Variants in KSR2 observed in about 807,000 individuals in gnomAD.
The protein encoded by KSR2 is kinase suppressor of ras 2.
In KSR2, 25 loss-of-function variants were observed where a neutral mutation model predicts 107.8. That is an observed-to-expected ratio of 0.23 (90% CI 0.17 to 0.32). KSR2 has a LOEUF of 0.32. Ranked by LOEUF, KSR2 falls within the 10% of genes least tolerant of loss-of-function variation. The probability of loss-of-function intolerance (pLI) is 1.00; values close to 1 mark genes in which losing one functional copy is unlikely to be tolerated. For synonymous variants in KSR2, 480 were observed against 507.0 expected (o/e 0.95, Z 0.71); for missense variants, 887 against 1,268.9 (o/e 0.70, Z 4.57).
chr12:117,796,398 T>A (rs1333165692), intron 3 of KSR2, among the ~76,000 whole-genome samples: 1 of 152,108 alleles, frequency 6.6e-6, no homozygotes, highest in African/African-American at 2.4e-5. Flanking sequence ...ATCCCAGGCA[T>A]AAGGTAAAAA....
chr12:117,826,003 G>A (rs1420535919), intron 3 of KSR2, among the ~76,000 whole-genome samples: 5 of 150,508 alleles, frequency 3.3e-5, no homozygotes, highest in Non-Finnish European at 7.4e-5. Flanking sequence ...GGATGGGTGG[G>A]TGGATGGATG....
chr12:117,916,928 C>T (rs1895195430), intron 1 of KSR2, among the ~76,000 whole-genome samples: 1 of 152,186 alleles, frequency 6.6e-6, no homozygotes, highest in Non-Finnish European at 1.5e-5. Context: ...TGTTTGATAT[C>T]TATAAACATA....
intron 3 of KSR2, among the ~76,000 whole-genome samples, chr12:117,787,029 CA>C (rs35140043): frequency 0.54 from 78,887 of 145,984 alleles, 21,891 homozygotes; most frequent in East Asian, 0.74. Context: ...AACTCCATCT[CA>C]AAAAAAAAAA....
chr12:117,704,069 C>T (rs532742003), intron 4 of KSR2, among the ~76,000 whole-genome samples: 1 of 151,888 alleles, frequency 6.6e-6, no homozygotes, highest in African/African-American at 2.4e-5. Context: ...CAATAGAAGA[C>T]CTATAATCTT....
intron 5 of KSR2, among the ~76,000 whole-genome samples, chr12:117,585,924 G>A (rs1879960542): frequency 6.6e-6 from 1 of 152,214 alleles, no homozygotes; most frequent in Non-Finnish European, 1.5e-5. Context: ...GAAAGAGAAA[G>A]AGGTGGAAGG....
chr12:117,656,084 C>T (rs978398469), intron 5 of KSR2, among the ~76,000 whole-genome samples: 1 of 152,200 alleles, frequency 6.6e-6, no homozygotes, highest in Non-Finnish European at 1.5e-5. Context: ...CTAGCTATGA[C>T]CACGTGACCA....
At chr12:117,935,963 C>A (rs113431286) in intron 1 of KSR2, among the ~76,000 whole-genome samples, 2 of 152,242 alleles carry the variant, frequency 1.3e-5, no homozygotes, top group East Asian at 1.9e-4. Context: ...TTTCATGAAG[C>A]CTGCTCTGCT....
chr12:117,684,998 T>C (rs920492905), intron 4 of KSR2, among the ~76,000 whole-genome samples: 1 of 152,112 alleles, frequency 6.6e-6, no homozygotes, highest in Non-Finnish European at 1.5e-5. Flanking sequence ...AGACTCGCAA[T>C]CTGGGAGGGG....
chr12:117,667,281 C>T (rs1249419827), intron 5 of KSR2, among the ~76,000 whole-genome samples, 193 bp downstream of exon 5: 1 of 152,190 alleles, frequency 6.6e-6, no homozygotes, highest in East Asian at 1.9e-4. Flanking sequence ...CCAAAACCAT[C>T]CAAATGGGCA....
intron 14 of KSR2, among the ~76,000 whole-genome samples, chr12:117,515,123 C>T (rs114342727): frequency 0.011 from 1,730 of 152,272 alleles, 31 homozygotes; most frequent in African/African-American, 0.039. Flanking sequence ...AGCTCCATGA[C>T]GGGCAGACAT....
intron 3 of KSR2, among the ~76,000 whole-genome samples, chr12:117,789,188 A>G (rs973546501): frequency 8.5e-5 from 13 of 152,274 alleles, no homozygotes; most frequent in African/African-American, 3.1e-4. Flanking sequence ...AAGCACCTAT[A>G]ATTCTGACCT....
intron 3 of KSR2, among the ~76,000 whole-genome samples, chr12:117,786,548 G>A (rs971377570): frequency 6.6e-6 from 1 of 152,056 alleles, no homozygotes; most frequent in Non-Finnish European, 1.5e-5. Flanking sequence ...GGGCATGATG[G>A]CTCACGGCTG....
intron 1 of KSR2, among the ~76,000 whole-genome samples, chr12:117,892,828 G>C (rs925016465): frequency 6.9e-6 from 1 of 145,624 alleles, no homozygotes; most frequent in African/African-American, 2.5e-5. Flanking sequence ...CTCATGAGAA[G>C]TTGCTTTTAA....
At chr12:117,748,720 A>G (rs766105858) in intron 4 of KSR2, among the ~76,000 whole-genome samples, 21 of 152,194 alleles carry the variant, frequency 1.4e-4, no homozygotes, top group Non-Finnish European at 2.8e-4. Context: ...AAATGTGTCC[A>G]CATAGCTGTG....
At chr12:117,664,175 C>T (rs978041619) in intron 5 of KSR2, among the ~76,000 whole-genome samples, 5 of 152,296 alleles carry the variant, frequency 3.3e-5, no homozygotes, top group Middle Eastern at 3.4e-3. Flanking sequence ...CACTCCCAGG[C>T]CAGGGGAGTA....
intron 4 of KSR2, among the ~76,000 whole-genome samples, chr12:117,699,252 T>G (rs535720351): frequency 6.6e-6 from 1 of 152,234 alleles, no homozygotes; most frequent in Non-Finnish European, 1.5e-5. Context: ...GAATCAATGG[T>G]ATGGCATTTA....
chr12:117,695,401 C>A (rs533890873), intron 4 of KSR2, among the ~76,000 whole-genome samples: 1 of 152,112 alleles, frequency 6.6e-6, no homozygotes, highest in African/African-American at 2.4e-5. Flanking sequence ...GTATATTTTG[C>A]TGCAATAAAA....
chr12:117,676,837 G>T lies in KSR2; in HGVS notation c.987-9179C>A, dbSNP rs367698297. Among the ~76,000 whole-genome samples the T allele has an allele frequency of 4.7e-4, 71 of 152,278 alleles. No individual in the cohort carries two copies. In the South Asian group the frequency reaches 7.5e-3, roughly 16 times the overall value. On this transcript the variant is annotated intron_variant, in intron 4 of 19. Transcript: ENST00000339824. The stretch of plus-strand genomic sequence containing the variant: ...ATGAGGGCCCATGTCTGCAAAAAAA[G>T]ACCTTTGTAAGAATGTTCATGGCAG...
At chr12:117,872,806 C>G (rs1359193075) in intron 1 of KSR2, among the ~76,000 whole-genome samples, 2 of 152,176 alleles carry the variant, frequency 1.3e-5, no homozygotes, top group African/African-American at 4.8e-5. Flanking sequence ...ATTCTAGAAG[C>G]CAGGGTTCAG....
Sources: allele counts gnomAD v4.1 joint callset (sites outside exome capture counted in the v4.1 genomes callset), GRCh38; gene constraint gnomAD v4.1.1; transcripts MANE v1.5; gene names NCBI Gene and HGNC (gene_info 2026-07-23, HGNC 2026-07-21).